The following GALNT14 variants were observed in gnomAD, a reference collection of about 807,000 sequenced individuals.
GALNT14 encodes the protein UDP-GalNAc:polypeptide N-acetylgalactosaminyltransferase 14.
Under a neutral mutation model 77.5 loss-of-function variants are expected in GALNT14, and 60 were observed. The ratio of observed to expected loss-of-function variants is 0.77; its 90% CI spans 0.63 to 0.96. The LOEUF (loss-of-function observed/expected upper bound fraction) is 0.96. Ranked by LOEUF, GALNT14 falls within the 40% of genes least tolerant of loss-of-function variation. The pLI is 0.00. For missense variants in GALNT14, 710 were observed against 731.0 expected, an observed-to-expected ratio of 0.97 and a Z score of 0.33; for synonymous variants, 280 against 281.7, an observed-to-expected ratio of 0.99 and a Z score of 0.06.
At chr2:31,070,183 G>A (rs143604672) in intron 1 of GALNT14, among the ~76,000 whole-genome samples, 253 of 152,266 alleles carry the variant, frequency 1.7e-3, no homozygotes, top group Middle Eastern at 6.8e-3. Context: ...TTCTTCCCAG[G>A]TTGACCACGG....
chr2:31,024,729 T>A (rs1488815725), intron 1 of GALNT14, among the ~76,000 whole-genome samples: 11 of 152,216 alleles, frequency 7.2e-5, no homozygotes. Context: ...CCAGTGGGTA[T>A]CCCTAACACC....
intron 10 of GALNT14, among the ~76,000 whole-genome samples, chr2:30,931,676 C>G (rs1265198844): frequency 6.6e-6 from 1 of 152,108 alleles, no homozygotes; most frequent in Non-Finnish European, 1.5e-5. Flanking sequence ...AGACCTCTCC[C>G]CTAGTGACCC....
At chr2:31,123,680 T>C (rs1045244659) in intron 1 of GALNT14, among the ~76,000 whole-genome samples, 6 of 152,208 alleles carry the variant, frequency 3.9e-5, no homozygotes, top group Non-Finnish European at 7.3e-5. Flanking sequence ...AAGGATGAGA[T>C]TAAACTTCAA....
At chr2:30,906,935 T>A (rs4952193), downstream of GALNT14, among the ~76,000 whole-genome samples, 17 of 152,180 alleles carry the variant, frequency 1.1e-4, no homozygotes, top group Admixed American at 1.1e-3. Context: ...ACATGGAAAC[T>A]GAACAACCTG....
chr2:31,097,591 T>A (rs1198547285), intron 1 of GALNT14, among the ~76,000 whole-genome samples: 1 of 151,512 alleles, frequency 6.6e-6, no homozygotes, highest in African/African-American at 2.4e-5. Context: ...TAAAATAGGG[T>A]TTTTGTTACA....
chr2:30,920,640 C>T (rs1664974598), intron 13 of GALNT14, among the ~76,000 whole-genome samples: 2 of 147,382 alleles, frequency 1.4e-5, no homozygotes, highest in Non-Finnish European at 2.9e-5. Context: ...TACACACACA[C>T]ACACACACAC....
At chr2:30,933,644 C>T (rs1572990960) in intron 9 of GALNT14, among the ~76,000 whole-genome samples, 1 of 152,106 alleles carries the variant, frequency 6.6e-6, no homozygotes, top group African/African-American at 2.4e-5. Context: ...GGGTGGGGAC[C>T]ATGTAGACTC....
chr2:30,950,530 C>T (rs891946584), intron 6 of GALNT14, among the ~76,000 whole-genome samples: 1 of 152,170 alleles, frequency 6.6e-6, no homozygotes, highest in Non-Finnish European at 1.5e-5. Flanking sequence ...TACAAAGACA[C>T]CAGGAAACAC....
chr2:30,984,266 C>G, intron 2 of GALNT14, among the ~76,000 whole-genome samples: 1 of 152,238 alleles, frequency 6.6e-6, no homozygotes, highest in East Asian at 1.9e-4. Context: ...ATATCAGGCT[C>G]TAGCTCCCGG....
intron 1 of GALNT14, among the ~76,000 whole-genome samples, chr2:31,043,939 G>A (rs917042214): frequency 1.2e-5 from 1 of 86,718 alleles, no homozygotes; most frequent in Non-Finnish European, 2.5e-5. Flanking sequence ...TGGCCCTGCA[G>A]TTACAGCGTG....
At chr2:31,134,052 C>T (rs746255841) in intron 1 of GALNT14, among the ~76,000 whole-genome samples, 3 of 152,322 alleles carry the variant, frequency 2.0e-5, no homozygotes, top group East Asian at 1.9e-4. Context: ...CATTTCATCC[C>T]GCCCTCTTTG....
intron 6 of GALNT14, among the ~76,000 whole-genome samples, chr2:30,953,079 C>G (rs974592828): frequency 6.6e-6 from 1 of 152,194 alleles, no homozygotes; most frequent in African/African-American, 2.4e-5. Flanking sequence ...GATTCTGCAA[C>G]CTTAACCTTT....
intron 6 of GALNT14, among the ~76,000 whole-genome samples, chr2:30,949,994 T>C (rs929272187): frequency 2.0e-5 from 3 of 152,156 alleles, no homozygotes; most frequent in Non-Finnish European, 4.4e-5. Flanking sequence ...GATTCTGCCA[T>C]CTAGAATATG....
intron 6 of GALNT14, among the ~76,000 whole-genome samples, chr2:30,948,411 C>A (rs1231101725): frequency 6.6e-6 from 1 of 152,220 alleles, no homozygotes; most frequent in African/African-American, 2.4e-5. Context: ...TCTATGCTAA[C>A]AATGTGGTTT....
At chr2:31,054,905 G>A (rs1674113574) in intron 1 of GALNT14, among the ~76,000 whole-genome samples, 1 of 152,158 alleles carries the variant, frequency 6.6e-6, no homozygotes, top group African/African-American at 2.4e-5. Context: ...TTTCAACACA[G>A]GAAACCACGG....
At position 31,137,954 on chromosome 2, in the gene GALNT14, C is replaced by T; in HGVS notation, c.129+4G>A. On this transcript the variant is annotated splice_donor_region_variant and intron_variant, in intron 1 of 14. Coordinates refer to ENST00000349752, the MANE Select transcript of GALNT14 (RefSeq NM_024572.4). Reference sequence around the variant, plus strand: ...CAGCGCCAGCGCGCCGGCAAGCCGCCTACCTTAGGGGTCTGCACTTCAGGT... The same window carrying T: ...CAGCGCCAGCGCGCCGGCAAGCCGCTTACCTTAGGGGTCTGCACTTCAGGT... 1 of 1,610,174 alleles carries T rather than the reference C, an allele frequency of 6.2e-7. No homozygotes were observed. The highest frequency in any genetic ancestry group is 8.5e-7 in the Non-Finnish European group (1 of 1,178,164).
chr2:31,129,502 T>A, intron 1 of GALNT14: 1 of 985,458 alleles, frequency 1.0e-6, no homozygotes, highest in Non-Finnish European at 1.2e-6. Context: ...AGCCATCAAT[T>A]GGCCATCTAT....
chr2:30,965,386 C>T (rs1052209687), intron 3 of GALNT14, among the ~76,000 whole-genome samples: 1 of 139,282 alleles, frequency 7.2e-6, no homozygotes, highest in Non-Finnish European at 1.5e-5. Flanking sequence ...TCATTGCCAT[C>T]TGAGAGGTAG....
At chr2:30,921,176 G>A (rs1015571946) in intron 13 of GALNT14, among the ~76,000 whole-genome samples, 1 of 152,090 alleles carries the variant, frequency 6.6e-6, no homozygotes, top group African/African-American at 2.4e-5. Context: ...GGCCCCTCTC[G>A]GAGGCCCACA....
Sources: gnomAD v4.1 joint callset for allele counts (sites outside exome capture counted in the v4.1 genomes callset) on GRCh38, gnomAD v4.1.1 for gene constraint, MANE v1.5 for transcripts, NCBI Gene and HGNC (gene_info 2026-07-23, HGNC 2026-07-21) for gene names.